CHCHD3: variants seen among roughly 807,000 people sequenced by gnomAD.
CHCHD3 encodes the protein MICOS complex subunit MIC19.
In CHCHD3, 20 loss-of-function variants were observed where a neutral mutation model predicts 38.2. That is an observed-to-expected ratio of 0.52 (90% CI 0.37 to 0.76). CHCHD3 has a LOEUF of 0.76. Ranked by LOEUF, CHCHD3 falls within the 30% of genes least tolerant of loss-of-function variation. The pLI is 0.00. For synonymous variants in CHCHD3, 82 were observed against 100.0 expected (o/e 0.82, Z 1.07); for missense variants, 245 against 279.2 (o/e 0.88, Z 0.87).
intron 6 of CHCHD3, among the ~76,000 whole-genome samples, chr7:132,802,252 A>G (rs1806812313): frequency 6.6e-6 from 1 of 152,226 alleles, no homozygotes; most frequent in South Asian, 2.1e-4. Context: ...TGGCCACGTG[A>G]CAGCTGGTAG....
intron 3 of CHCHD3, among the ~76,000 whole-genome samples, chr7:133,006,886 T>C (rs1812716113): frequency 6.6e-6 from 1 of 152,192 alleles, no homozygotes; most frequent in Non-Finnish European, 1.5e-5. Flanking sequence ...ACTGACAACA[T>C]ATTTTTATGA....
At chr7:132,979,006 G>A (rs1292368890) in intron 3 of CHCHD3, among the ~76,000 whole-genome samples, 1 of 152,138 alleles carries the variant, frequency 6.6e-6, no homozygotes, top group East Asian at 1.9e-4. Context: ...CAGGGAGTTT[G>A]GCAGTAGGAC....
chr7:132,935,799 G>T lies in CHCHD3; in HGVS notation c.369+39370C>A, dbSNP rs372993692. Among the ~76,000 whole-genome samples the T allele has an allele frequency of 9.8e-4, 149 of 152,298 alleles. 1 individual carries two copies. The South Asian group carries it at 0.013, about 14-fold the overall frequency. On this transcript the variant is annotated intron_variant, in intron 4 of 7. Transcript: ENST00000262570. ...AAGACTGGGTAATTTGTAAAGAAAA[G>T]AAGTTTGTTTAGCTCATGGTTCTGG...
intron 5 of CHCHD3, among the ~76,000 whole-genome samples, chr7:132,854,503 A>T (rs1275758725): frequency 6.6e-6 from 1 of 152,194 alleles, no homozygotes; most frequent in Non-Finnish European, 1.5e-5. Context: ...AGTAAAAACA[A>T]AAATCTACCC....
intron 3 of CHCHD3, among the ~76,000 whole-genome samples, chr7:132,978,417 T>TC (rs1375202238): frequency 6.6e-6 from 1 of 152,106 alleles, no homozygotes; most frequent in African/African-American, 2.4e-5. Context: ...TGTCCATAGC[T>TC]CCATAAGGAC....
At chr7:132,995,899 G>A (rs1239041289) in intron 3 of CHCHD3, among the ~76,000 whole-genome samples, 1 of 152,032 alleles carries the variant, frequency 6.6e-6, no homozygotes, top group Non-Finnish European at 1.5e-5. Flanking sequence ...ACCTCCTTGT[G>A]CCAGGCATTT....
intron 4 of CHCHD3, among the ~76,000 whole-genome samples, chr7:132,966,874 C>T (rs1186825934): frequency 2.0e-5 from 3 of 152,152 alleles, no homozygotes; most frequent in Non-Finnish European, 4.4e-5. Flanking sequence ...ATTTCTTAGC[C>T]TCTTTAGTAG....
At chr7:132,994,206 T>C (rs920428911) in intron 3 of CHCHD3, among the ~76,000 whole-genome samples, 2 of 152,186 alleles carry the variant, frequency 1.3e-5, no homozygotes, top group African/African-American at 4.8e-5. Flanking sequence ...TTTCTATATA[T>C]GTAGGATGAA....
intron 4 of CHCHD3, among the ~76,000 whole-genome samples, chr7:132,909,852 C>A (rs1809898732): frequency 6.6e-6 from 1 of 152,182 alleles, no homozygotes; most frequent in South Asian, 2.1e-4. Flanking sequence ...CTACAGCACA[C>A]AATTCATTCA....
intron 6 of CHCHD3, among the ~76,000 whole-genome samples, chr7:132,797,444 G>A (rs906343906): frequency 7.2e-5 from 11 of 152,098 alleles, no homozygotes; most frequent in Admixed American, 2.0e-4. Context: ...CATTGGTCCC[G>A]TATTCACTTT....
At chr7:132,898,814 G>C (rs1434666672) in intron 4 of CHCHD3, among the ~76,000 whole-genome samples, 1 of 152,182 alleles carries the variant, frequency 6.6e-6, no homozygotes. Flanking sequence ...GCACTGCTGG[G>C]GGACCCAGTA....
chr7:132,841,194 T>A (rs1807930344), intron 5 of CHCHD3, among the ~76,000 whole-genome samples: 1 of 152,122 alleles, frequency 6.6e-6, no homozygotes, highest in Non-Finnish European at 1.5e-5. Flanking sequence ...GAAAGAAAAT[T>A]AAATTCTTAC....
chr7:132,829,319 C>T (rs1485524627), intron 6 of CHCHD3, among the ~76,000 whole-genome samples: 2 of 152,086 alleles, frequency 1.3e-5, no homozygotes, highest in Admixed American at 1.3e-4. Flanking sequence ...AATAAGCTAT[C>T]ATTTTGGCAG....
rs1813447948 is a variant in CHCHD3, at chr7:133,029,696, T to A, written c.170-5069A>T. On this transcript the variant is annotated intron_variant, in intron 2 of 7. Transcript: ENST00000262570. Reference sequence around the variant, plus strand: ...GGTGAGAATGTGGAGAGGAAGTGGTTTGGGGTGAAGAAAATGCAGACTGGA... The same window carrying A: ...GGTGAGAATGTGGAGAGGAAGTGGTATGGGGTGAAGAAAATGCAGACTGGA... Among the ~76,000 whole-genome samples the A allele has an allele frequency of 2.0e-5, 3 of 152,072 alleles. No homozygotes were observed. In the South Asian group the frequency reaches 6.2e-4, roughly 31 times the overall value.
chr7:132,989,750 G>A (rs1812221435), intron 3 of CHCHD3, among the ~76,000 whole-genome samples: 1 of 152,118 alleles, frequency 6.6e-6, no homozygotes. Flanking sequence ...TACCTAGGAG[G>A]AAATTACACA....
chr7:133,033,413 A>G (rs923846795), intron 2 of CHCHD3, among the ~76,000 whole-genome samples: 1 of 152,134 alleles, frequency 6.6e-6, no homozygotes, highest in Non-Finnish European at 1.5e-5. Context: ...ACTAAACACC[A>G]CAGCTTCCCT....
intron 4 of CHCHD3, among the ~76,000 whole-genome samples, chr7:132,918,489 A>G (rs1339422267): frequency 6.6e-6 from 1 of 152,248 alleles, no homozygotes; most frequent in Non-Finnish European, 1.5e-5. Context: ...TATGTACTTC[A>G]CAATAAAGTT....
chr7:132,838,586 C>T, intron 5 of CHCHD3, 117 bp from the exon 6 acceptor site: 1 of 703,400 alleles, frequency 1.4e-6, no homozygotes, highest in Non-Finnish European at 2.5e-6. Flanking sequence ...CAGTAGAAGA[C>T]TTTCTTGTAT....
intron 4 of CHCHD3, chr7:132,973,647 A>G (rs1811668239): frequency 9.8e-7 from 1 of 1,021,780 alleles, no homozygotes; most frequent in Middle Eastern, 4.9e-4. Context: ...TGCCCATGCA[A>G]CCGGGACCCC....
Sources: gnomAD v4.1 joint callset for allele counts (sites outside exome capture counted in the v4.1 genomes callset) on GRCh38, gnomAD v4.1.1 for gene constraint, MANE v1.5 for transcripts, NCBI Gene and HGNC (gene_info 2026-07-23, HGNC 2026-07-21) for gene names.